TLL1: variants seen among roughly 807,000 people sequenced by gnomAD.
TLL1 encodes the protein tolloid like 1.
Under a neutral mutation model 128.2 loss-of-function variants are expected in TLL1, and 49 were observed. The observed-to-expected ratio is 0.38, with a 90% CI of 0.30 to 0.48. The LOEUF is 0.48. Ranked by LOEUF, TLL1 falls within the 20% of genes least tolerant of loss-of-function variation. TLL1 has a pLI of 0.96. For synonymous variants in TLL1, 454 were observed against 418.8 expected, an observed-to-expected ratio of 1.08 and a Z score of -1.03; for missense variants, 1,123 against 1,242.0, an observed-to-expected ratio of 0.90 and a Z score of 1.44.
Position 165,937,436 on chromosome 4 carries a change from A to G in TLL1, c.170-51945A>G, listed in dbSNP as rs181446716. ...AACTATGCTAGTACTATTACTACCA[A>G]TTCTGATTACTGAAAACAACAAAAC... On this transcript the variant is annotated intron_variant, in intron 1 of 20. Coordinates refer to ENST00000061240, the MANE Select transcript of TLL1 (RefSeq NM_012464.5). 1.3e-4 allele frequency among the ~76,000 whole-genome samples: 20 copies of G among 152,236 alleles called. No homozygotes were observed. The East Asian group carries it at 3.5e-3, about 26-fold the overall frequency.
chr4:166,048,155 G>C (rs1473364254), intron 12 of TLL1, among the ~76,000 whole-genome samples: 1 of 150,332 alleles, frequency 6.7e-6, no homozygotes, highest in Non-Finnish European at 1.5e-5. Context: ...AGAATCGCTT[G>C]AACCTGGGAG....
chr4:166,072,861 C>A (rs78991835), intron 16 of TLL1, among the ~76,000 whole-genome samples: 1 of 151,676 alleles, frequency 6.6e-6, no homozygotes, highest in African/African-American at 2.4e-5. Context: ...CCACACTGTT[C>A]GTCTCTGAGC....
chr4:165,926,616 G>A (rs1225805085), intron 1 of TLL1, among the ~76,000 whole-genome samples: 6 of 152,108 alleles, frequency 3.9e-5, no homozygotes, highest in East Asian at 1.9e-4. Context: ...AGAATCACTC[G>A]AGTTCCATGT....
chr4:165,887,490 G>A (rs962495671), intron 1 of TLL1, among the ~76,000 whole-genome samples: 1 of 152,188 alleles, frequency 6.6e-6, no homozygotes, highest in African/African-American at 2.4e-5. Flanking sequence ...TGACTGGATA[G>A]ACAGTGATAC....
intron 1 of TLL1, among the ~76,000 whole-genome samples, chr4:165,943,611 G>C (rs1235924410): frequency 6.6e-6 from 1 of 151,968 alleles, no homozygotes; most frequent in African/African-American, 2.4e-5. Flanking sequence ...CTGAGTTCTA[G>C]CTGTGGTTAT....
At chr4:166,017,807 A>G (rs1285245539) in intron 8 of TLL1, among the ~76,000 whole-genome samples, 4 of 152,000 alleles carry the variant, frequency 2.6e-5, no homozygotes, top group Admixed American at 1.3e-4. Flanking sequence ...TGAGCCCTAC[A>G]TATAGTTGTA....
intron 5 of TLL1, among the ~76,000 whole-genome samples, chr4:165,998,666 G>A (rs1388042260): frequency 6.6e-6 from 1 of 151,714 alleles, no homozygotes; most frequent in Non-Finnish European, 1.5e-5. Flanking sequence ...GCGTGGTGGC[G>A]GGTGCTTGTA....
chr4:166,003,155 A>G (rs886979651), intron 5 of TLL1, among the ~76,000 whole-genome samples: 3 of 152,174 alleles, frequency 2.0e-5, no homozygotes, highest in Admixed American at 6.5e-5. Context: ...ATGTAAGCAT[A>G]TTTTCTAATA....
intron 1 of TLL1, among the ~76,000 whole-genome samples, chr4:165,964,988 A>C (rs2110966909): frequency 6.6e-6 from 1 of 152,116 alleles, no homozygotes; most frequent in Non-Finnish European, 1.5e-5. Flanking sequence ...AAATAAATAG[A>C]TCCATCTATC....
chr4:165,884,229 A>G (rs1196547488), intron 1 of TLL1, among the ~76,000 whole-genome samples: 1 of 152,246 alleles, frequency 6.6e-6, no homozygotes, highest in Non-Finnish European at 1.5e-5. Flanking sequence ...TTGTTTATGT[A>G]TTAATCACAT....
chr4:165,994,991 T>C, intron 4 of TLL1, 70 bp from the exon 5 acceptor site: 1 of 1,254,966 alleles, frequency 8.0e-7, no homozygotes, highest in South Asian at 1.2e-5. Flanking sequence ...AGACTTAGGG[T>C]AGAGGATGCA....
chr4:166,033,674 G>A (rs1348347501), intron 9 of TLL1, among the ~76,000 whole-genome samples: 1 of 152,070 alleles, frequency 6.6e-6, no homozygotes, highest in African/African-American at 2.4e-5. Flanking sequence ...TTAAAAATAA[G>A]GGTTTCAGTT....
intron 8 of TLL1, 32 bp from the exon 9 acceptor site, chr4:166,025,284 A>G (rs1738439184): frequency 4.2e-6 from 6 of 1,435,434 alleles, no homozygotes; most frequent in Non-Finnish European, 5.9e-6. Flanking sequence ...ATATAAATTA[A>G]CCAATGATCT....
chr4:166,033,043 A>G (rs1048091390), intron 9 of TLL1, among the ~76,000 whole-genome samples: 4 of 152,150 alleles, frequency 2.6e-5, no homozygotes, highest in African/African-American at 7.2e-5. Flanking sequence ...ATAATTTGTC[A>G]TATTTCACCT....
At chr4:165,895,027 A>C (rs191810275) in intron 1 of TLL1, among the ~76,000 whole-genome samples, 159 of 152,276 alleles carry the variant, frequency 1.0e-3, no homozygotes, top group African/African-American at 3.5e-3. Context: ...TACATGTTTT[A>C]TATGTAATCT....
intron 18 of TLL1, among the ~76,000 whole-genome samples, chr4:166,084,357 T>C (rs1260029060): frequency 6.6e-6 from 1 of 152,186 alleles, no homozygotes; most frequent in Admixed American, 6.6e-5. Flanking sequence ...TGTTGATTGC[T>C]CCCTTTCCTG....
chr4:165,890,837 G>A (rs925392132), intron 1 of TLL1, among the ~76,000 whole-genome samples: 14 of 152,314 alleles, frequency 9.2e-5, no homozygotes, highest in Middle Eastern at 3.4e-3. Flanking sequence ...TGCCCCAGTG[G>A]GGACTCTGTG....
intron 1 of TLL1, among the ~76,000 whole-genome samples, chr4:165,912,239 C>A (rs965898311): frequency 2.6e-5 from 4 of 152,072 alleles, no homozygotes; most frequent in South Asian, 2.1e-4. Context: ...TCTAGGGACC[C>A]ATACACCTAG....
chr4:165,999,284 A>C (rs1323016482), intron 5 of TLL1, among the ~76,000 whole-genome samples: 1 of 152,230 alleles, frequency 6.6e-6, no homozygotes, highest in Non-Finnish European at 1.5e-5. Context: ...ATAAAGAACT[A>C]CCTGAGACTG....
Sources: gnomAD v4.1 joint callset for allele counts (sites outside exome capture counted in the v4.1 genomes callset) on GRCh38, gnomAD v4.1.1 for gene constraint, MANE v1.5 for transcripts, NCBI Gene and HGNC (gene_info 2026-07-23, HGNC 2026-07-21) for gene names.